Variants in ZNF407 observed in about 807,000 individuals in gnomAD.
The protein encoded by ZNF407 is zinc finger protein 407.
In ZNF407, 17 loss-of-function variants were observed where a neutral mutation model predicts 131.2. The observed-to-expected ratio is 0.13, with a 90% CI of 0.09 to 0.19. The LOEUF (loss-of-function observed/expected upper bound fraction) is 0.19, where lower values mean the gene tolerates loss of function less well. Ranked by LOEUF, ZNF407 falls within the 10% of genes least tolerant of loss-of-function variation. The pLI is 1.00. For missense variants in ZNF407, 2,681 were observed against 2,830.6 expected, an observed-to-expected ratio of 0.95 and a Z score of 1.20; for synonymous variants, 1,156 against 1,062.0, an observed-to-expected ratio of 1.09 and a Z score of -1.72.
At chr18:74,599,045 T>G (rs116269831) in intron 1 of ZNF407, among the ~76,000 whole-genome samples, 3,700 of 152,340 alleles carry the variant, frequency 0.024, 155 homozygotes, top group African/African-American at 0.083. Context: ...GGTGAAGTGC[T>G]GGTCCATTTA....
chr18:74,729,596 T>C (rs971633196), intron 3 of ZNF407, among the ~76,000 whole-genome samples: 13 of 152,078 alleles, frequency 8.5e-5, no homozygotes, highest in African/African-American at 3.1e-4. Flanking sequence ...ATATATAAAA[T>C]ATGCTGTGTT....
chr18:74,932,881 A>G (rs1971998254), intron 8 of ZNF407, among the ~76,000 whole-genome samples: 1 of 152,224 alleles, frequency 6.6e-6, no homozygotes, highest in Admixed American at 6.5e-5. Flanking sequence ...CCTGTCAGAA[A>G]AATAGAAAAT....
At chr18:74,608,242 A>G (rs149583497) in intron 1 of ZNF407, among the ~76,000 whole-genome samples, 6 of 152,328 alleles carry the variant, frequency 3.9e-5, no homozygotes, top group East Asian at 3.9e-4. Flanking sequence ...AATTTAACCA[A>G]TGGTTCCATT....
chr18:74,823,568 T>G (rs1002493848), intron 4 of ZNF407, among the ~76,000 whole-genome samples: 8 of 152,166 alleles, frequency 5.3e-5, no homozygotes, highest in Non-Finnish European at 8.8e-5. Context: ...AATTCTAATT[T>G]CTGATAAAAC....
chr18:74,718,435 G>T (rs1347105540), intron 3 of ZNF407, among the ~76,000 whole-genome samples: 2 of 151,942 alleles, frequency 1.3e-5, no homozygotes, highest in Non-Finnish European at 2.9e-5. Flanking sequence ...GAGGTGGAAG[G>T]ATCACTTGAG....
intron 3 of ZNF407, among the ~76,000 whole-genome samples, chr18:74,647,710 A>G (rs908515513): frequency 6.6e-6 from 1 of 152,144 alleles, no homozygotes; most frequent in South Asian, 2.1e-4. Context: ...TTATTTGTTT[A>G]TGATTTCTCA....
intron 1 of ZNF407, among the ~76,000 whole-genome samples, chr18:74,624,449 AC>A (rs1983700906): frequency 6.6e-6 from 1 of 152,100 alleles, no homozygotes; most frequent in South Asian, 2.1e-4. Flanking sequence ...TACCTATTAA[AC>A]CACTCTGCAT....
rs1568131697 is a variant in ZNF407, at chr18:74,632,012, A to G, written c.993A>G (p.Arg331=). The G allele has an allele frequency of 1.2e-6, 2 of 1,613,960 alleles. No homozygotes were observed. Among genetic ancestry groups the G allele is most frequent in the East Asian group, 4.5e-5 (2 of 44,886 alleles). The change falls in exon 2 of 9, where the codon AGA becomes AGG. Residue 331 remains arginine, a synonymous_variant. Transcript: ENST00000299687. ...RNVGSTFKDF[R]GSISKQSGSS... ...TGGGAAGCACGTTTAAAGATTTCAG[A>G]GGAAGTATTTCTAAACAAAGTGGTA...
At chr18:75,047,536 A>T (rs1973449665) in intron 8 of ZNF407, among the ~76,000 whole-genome samples, 1 of 151,386 alleles carries the variant, frequency 6.6e-6, no homozygotes, top group South Asian at 2.1e-4. Flanking sequence ...TTCCAAGAGG[A>T]TTTTTTTTTC....
Position 74,635,337 on chromosome 18 carries a change from A to G in ZNF407, c.4318A>G (p.Lys1440Glu). The G allele has an allele frequency of 6.2e-7, 1 of 1,614,022 alleles. No individual in the cohort carries two copies. Among genetic ancestry groups the G allele is most frequent in the South Asian group, 1.1e-5 (1 of 91,080 alleles). The change falls in exon 2 of 9, where the codon AAA (lysine) becomes GAA (glutamate). Residue 1440 changes from lysine to glutamate, a missense_variant. By Grantham distance (56) the Lys-to-Glu change is moderately conservative. Transcript: ENST00000299687. This position sits in a 1 kb window ranked among gnomAD's most constrained non-coding sequence, Gnocchi z 4.7. ...TCACATAGCCATGAAGCATCCTACA[A>G]AAGAGAAGCACTTCCATTGTTTACT... Reference protein sequence around the residue: ...NVHIAMKHPTKEKHFHCLLCG... With the variant: ...NVHIAMKHPTEEKHFHCLLCG...
chr18:74,708,761 C>T (rs755012495), intron 3 of ZNF407, among the ~76,000 whole-genome samples: 13 of 152,212 alleles, frequency 8.5e-5, no homozygotes, highest in Non-Finnish European at 1.3e-4. Flanking sequence ...GAACCCCGCA[C>T]GCGGCTTGAT....
rs11392274 is a variant in ZNF407, at chr18:74,818,865, T to TAA, written c.4877+37377_4877+37378dup. ...AACTGGTTTTAAGGCCATTGAACAG[T>TAA]AAAAAAAAAAAAAAAGCTAAACATG... On this transcript the variant is annotated intron_variant, in intron 4 of 8. Coordinates refer to ENST00000299687, the MANE Select transcript of ZNF407 (RefSeq NM_017757.3). Among the ~76,000 whole-genome samples the TAA allele has an allele frequency of 8.0e-3, 1,122 of 139,426 alleles. 15 individuals are homozygous for TAA. Among genetic ancestry groups the TAA allele is most frequent in the South Asian group, 0.024 (99 of 4,160 alleles). 91.5% of individuals were successfully genotyped at this position (139,426 alleles called of 152,430 possible).
chr18:74,712,286 C>A (rs1475044508), intron 3 of ZNF407, among the ~76,000 whole-genome samples: 2 of 152,312 alleles, frequency 1.3e-5, no homozygotes, highest in Non-Finnish European at 2.9e-5. Flanking sequence ...TTAGTTTCTT[C>A]ATTTAAAATT....
chr18:74,777,715 C>T (rs1455658006), intron 3 of ZNF407, among the ~76,000 whole-genome samples: 3 of 142,344 alleles, frequency 2.1e-5, no homozygotes, highest in Non-Finnish European at 4.6e-5. Context: ...TTCCAAGAGA[C>T]TGTTGATCGA....
chr18:74,965,949 A>G (rs1403314513), intron 8 of ZNF407, among the ~76,000 whole-genome samples: 3 of 152,140 alleles, frequency 2.0e-5, no homozygotes, highest in East Asian at 1.9e-4. Flanking sequence ...CCTGTTTGCC[A>G]TTTATGTCTT....
In ZNF407 at chr18:74,832,482, T is replaced by C. The variant is rs187213550; in HGVS notation, c.4878-44715T>C. On this transcript the variant is annotated intron_variant, in intron 4 of 8. Transcript: ENST00000299687. ...TCTTTTTGTTTTTTTTGAGATAGGG[T>C]CTCACTCTGTCACCCAGGCTGGAGT... Among the ~76,000 whole-genome samples, 332 of 151,976 alleles carry C rather than the reference T, an allele frequency of 2.2e-3. 2 individuals are homozygous for C. Among genetic ancestry groups the C allele is most frequent in the Non-Finnish European group, 3.2e-3 (218 of 67,954 alleles).
chr18:74,751,199 C>T (rs1968792151), intron 3 of ZNF407, among the ~76,000 whole-genome samples: 1 of 152,188 alleles, frequency 6.6e-6, no homozygotes, highest in South Asian at 2.1e-4. Context: ...TTTAAGATCC[C>T]AAAGATGTAT....
chr18:74,671,806 A>G (rs1986151199), intron 3 of ZNF407, among the ~76,000 whole-genome samples: 1 of 152,344 alleles, frequency 6.6e-6, no homozygotes, highest in South Asian at 2.1e-4. Flanking sequence ...TTGGGGGTTC[A>G]TTGTACTGCC....
intron 7 of ZNF407, among the ~76,000 whole-genome samples, chr18:74,896,152 AAAT>A (rs1164373536): frequency 1.3e-5 from 2 of 152,206 alleles, no homozygotes; most frequent in African/African-American, 4.8e-5. Flanking sequence ...GATCCCATAA[AAAT>A]AATCAAAATG....
Sources: gnomAD v4.1 joint callset for allele counts (sites outside exome capture counted in the v4.1 genomes callset) on GRCh38, gnomAD v4.1.1 for gene constraint, Gnocchi (gnomAD v3.1) non-coding constraint, MANE v1.5 for transcripts, NCBI Gene and HGNC (gene_info 2026-07-23, HGNC 2026-07-21) for gene names.